The following CNTN6 variants were observed in gnomAD, a reference collection of about 807,000 sequenced individuals.
The protein encoded by CNTN6 is contactin-6.
CNTN6 carries 137 observed loss-of-function variants against 122.8 expected under a neutral mutation model. That is an observed-to-expected ratio of 1.12 (90% CI 0.97 to 1.29). The LOEUF (loss-of-function observed/expected upper bound fraction) is 1.29, where lower values mean the gene tolerates loss of function less well. CNTN6 is among the 50% of genes most tolerant of loss of function. The probability of loss-of-function intolerance (pLI) is 0.00; values close to 1 mark genes in which losing one functional copy is unlikely to be tolerated. For missense variants in CNTN6, 1,634 were observed against 1,223.4 expected (o/e 1.34, Z -5.01); for synonymous variants, 570 against 426.0 (o/e 1.34, Z -4.16).
At chr3:1,231,105 CT>C in intron 4 of CNTN6, among the ~76,000 whole-genome samples, 1 of 152,334 alleles carries the variant, frequency 6.6e-6, no homozygotes, top group South Asian at 2.1e-4. Flanking sequence ...TCTTCCCTCC[CT>C]GCCTTTCTCC....
chr3:1,254,730 G>T (rs1303943148), intron 4 of CNTN6, among the ~76,000 whole-genome samples: 1 of 152,140 alleles, frequency 6.6e-6, no homozygotes, highest in Non-Finnish European at 1.5e-5. Context: ...GGAGGCTCAA[G>T]AAAGCAGGAT....
At chr3:1,358,052 C>G (rs1449134298) in intron 12 of CNTN6, among the ~76,000 whole-genome samples, 1 of 151,802 alleles carries the variant, frequency 6.6e-6, no homozygotes, top group Admixed American at 6.6e-5. Context: ...GAAGCAGCTA[C>G]TGTAATAATT....
chr3:1,216,920 A>G (rs548566242), intron 2 of CNTN6, among the ~76,000 whole-genome samples: 42 of 152,290 alleles, frequency 2.8e-4, no homozygotes, highest in Non-Finnish European at 4.4e-4. Context: ...TTTGGAAAAG[A>G]TGATTCAACT....
chr3:1,132,574 T>C (rs1312035753), intron 1 of CNTN6, among the ~76,000 whole-genome samples: 4 of 151,802 alleles, frequency 2.6e-5, no homozygotes, highest in Non-Finnish European at 5.9e-5. Flanking sequence ...GGAGGATCAT[T>C]TGAACCCAGG....
At chr3:1,095,281 G>A (rs999102068) in intron 1 of CNTN6, among the ~76,000 whole-genome samples, 6 of 152,024 alleles carry the variant, frequency 3.9e-5, no homozygotes, top group Admixed American at 3.9e-4. Flanking sequence ...GACCATCCTG[G>A]CCAACATGGT....
chr3:1,400,156 C>T (rs1306152497), intron 20 of CNTN6, among the ~76,000 whole-genome samples: 8 of 152,080 alleles, frequency 5.3e-5, no homozygotes, highest in Admixed American at 2.0e-4. Flanking sequence ...TATGCTCACT[C>T]AGCCTCACAA....
At chr3:1,219,099 T>C (rs904954454) in intron 2 of CNTN6, among the ~76,000 whole-genome samples, 1 of 152,200 alleles carries the variant, frequency 6.6e-6, no homozygotes, top group Non-Finnish European at 1.5e-5. Context: ...ATCATCCTCA[T>C]AGAAATATAT....
chr3:1,352,341 A>G lies in CNTN6; in HGVS notation c.1382A>G (p.Asp461Gly), dbSNP rs1321528230. The change falls in exon 12 of 23, where the codon GAT (aspartate) becomes GGT (glycine). Residue 461 changes from aspartate (D) to glycine (G), a missense_variant. By Grantham distance (94) the Asp-to-Gly change is moderately conservative (BLOSUM62 -1). Transcript: ENST00000446702. Reference protein sequence around the residue: ...RQSKRIFLLEDGSLKIYNITR... With the variant: ...RQSKRIFLLEGGSLKIYNITR... ...CTTTTTAGAATATTTCTCTTGGAGG[A>G]TGGCAGCCTCAAGATATATAATATT... is the stretch of plus-strand genomic sequence containing the variant. 3.9e-6 allele frequency: 6 copies of G among 1,532,650 alleles called. No individual in the cohort carries two copies. Among genetic ancestry groups the G allele is most frequent in the Non-Finnish European group, 5.3e-6 (6 of 1,131,932 alleles). The allele number at this position is 1,532,650 out of a possible 1,614,324, so 94.9% of individuals were successfully genotyped here.
intron 1 of CNTN6, among the ~76,000 whole-genome samples, chr3:1,133,604 C>G (rs1037642992): frequency 2.6e-4 from 40 of 152,248 alleles, no homozygotes; most frequent in Non-Finnish European, 1.0e-4. Flanking sequence ...GTGACTGCCC[C>G]CTCTTGAGGC....
intron 3 of CNTN6, among the ~76,000 whole-genome samples, chr3:1,226,511 A>G (rs1186402445): frequency 6.6e-6 from 1 of 152,156 alleles, no homozygotes; most frequent in East Asian, 1.9e-4. Flanking sequence ...TATCATTTCT[A>G]TATCCAGAGG....
In CNTN6 at chr3:1,120,349, C is replaced by T. The variant is rs149366009; in HGVS notation, c.-83+27229C>T. On this transcript the variant is annotated intron_variant, in intron 1 of 22. Coordinates refer to ENST00000446702, the MANE Select transcript of CNTN6 (RefSeq NM_001289080.2). ...TACGAAAGGTTTAGCTGTTCTACCTCGTCATCAGTGTTTGGCATGGTCAGT... is the reference window on the plus strand; with the variant it reads ...TACGAAAGGTTTAGCTGTTCTACCTTGTCATCAGTGTTTGGCATGGTCAGT... 1.2e-4 allele frequency among the ~76,000 whole-genome samples: 18 copies of T among 151,988 alleles called. No individual in the cohort carries two copies. In the East Asian group the frequency reaches 3.1e-3, roughly 26 times the overall value.
intron 19 of CNTN6, 77 bp from the exon 20 acceptor site, chr3:1,385,534 G>C: frequency 2.5e-6 from 3 of 1,180,772 alleles, no homozygotes; most frequent in Non-Finnish European, 3.6e-6. Flanking sequence ...TGTGGTTGTG[G>C]TTGATAGTTG....
At chr3:1,262,556 T>A (rs2094863170) in intron 4 of CNTN6, among the ~76,000 whole-genome samples, 1 of 152,180 alleles carries the variant, frequency 6.6e-6, no homozygotes, top group Admixed American at 6.6e-5. Context: ...TGAATTTCAT[T>A]TCCTGGCATG....
chr3:1,192,993 C>A (rs1285717465), intron 2 of CNTN6, among the ~76,000 whole-genome samples: 4 of 152,058 alleles, frequency 2.6e-5, no homozygotes, highest in Non-Finnish European at 5.9e-5. Flanking sequence ...ACTAAAGAAA[C>A]GTAGCCCACT....
intron 20 of CNTN6, among the ~76,000 whole-genome samples, chr3:1,386,987 C>G (rs1166973907): frequency 6.6e-6 from 1 of 151,290 alleles, no homozygotes; most frequent in Non-Finnish European, 1.5e-5. Context: ...AATAGATTAT[C>G]CAGTTATTTC....
intron 2 of CNTN6, among the ~76,000 whole-genome samples, chr3:1,170,723 C>T (rs1014279424): frequency 6.6e-6 from 1 of 152,088 alleles, no homozygotes; most frequent in African/African-American, 2.4e-5. Flanking sequence ...TTCCTCCTTC[C>T]CTTGTTTCTT....
intron 20 of CNTN6, among the ~76,000 whole-genome samples, chr3:1,397,796 TA>T (rs1268985424): frequency 6.6e-6 from 1 of 152,140 alleles, no homozygotes; most frequent in African/African-American, 2.4e-5. Context: ...TATTTAAACA[TA>T]AAGGAAGCAT....
intron 2 of CNTN6, among the ~76,000 whole-genome samples, chr3:1,204,199 TATCTC>T (rs2093926100): frequency 1.3e-5 from 2 of 152,202 alleles, no homozygotes; most frequent in African/African-American, 4.8e-5. Flanking sequence ...GACACACTCT[TATCTC>T]AAAGAGGAAC....
intron 8 of CNTN6, among the ~76,000 whole-genome samples, chr3:1,322,755 A>C (rs1490670332): frequency 6.6e-6 from 1 of 151,406 alleles, no homozygotes; most frequent in East Asian, 1.9e-4. Context: ...CTGTAATATT[A>C]TTTTCCATTT....
Sources: allele counts gnomAD v4.1 joint callset (sites outside exome capture counted in the v4.1 genomes callset), GRCh38; gene constraint gnomAD v4.1.1; transcripts MANE v1.5; gene names NCBI Gene and HGNC (gene_info 2026-07-23, HGNC 2026-07-21).